Variants in DLC1 observed in about 807,000 individuals in gnomAD.
The protein encoded by DLC1 is rho GTPase-activating protein 7.
A neutral mutation model predicts 140.3 loss-of-function variants in DLC1; 54 were observed. The observed-to-expected ratio is 0.38, with a 90% CI of 0.31 to 0.48. The LOEUF is 0.48. Among genes scored for constraint, DLC1 ranks in the 20% least tolerant of loss-of-function variants. The pLI is 0.96. For synonymous variants in DLC1, 986 were observed against 728.1 expected, an observed-to-expected ratio of 1.35 and a Z score of -5.70; for missense variants, 2,536 against 1,907.0, an observed-to-expected ratio of 1.33 and a Z score of -6.14.
rs374247380 is a variant in DLC1, at chr8:13,393,619, G to A, written c.1248C>T (p.Asp416=). Residue 416 remains aspartate, a synonymous_variant, in exon 4 of 18, where the codon GAC becomes GAT. Transcript: ENST00000276297. The part of the protein sequence containing the change: ...VNQTRVNLSS[D]TESTDLPSST... The stretch of plus-strand genomic sequence containing the variant: ...AAGATGGGAGGTCCGTGGACTCAGT[G>A]TCAGAAGACAAATTTACTCGTGTCT... 1.2e-6 allele frequency: 2 copies of A among 1,614,126 alleles called. No individual in the cohort carries two copies. Among genetic ancestry groups the A allele is most frequent in the East Asian group, 2.2e-5 (1 of 44,870 alleles).
chr8:13,095,478 A>T (rs2128933110), intron 10 of DLC1: 2 of 549,368 alleles, frequency 3.6e-6, no homozygotes, highest in East Asian at 6.2e-5. Flanking sequence ...TGTGCAGATA[A>T]AGAACATTCC....
intron 1 of DLC1, among the ~76,000 whole-genome samples, chr8:13,546,597 T>C (rs1264890281): frequency 6.6e-6 from 1 of 152,170 alleles, no homozygotes; most frequent in East Asian, 1.9e-4. Context: ...CTGCTTCGCA[T>C]TGAAGTTTTA....
intron 5 of DLC1, among the ~76,000 whole-genome samples, chr8:13,204,290 G>A (rs181862835): frequency 1.6e-4 from 24 of 152,194 alleles, no homozygotes; most frequent in Non-Finnish European, 3.1e-4. Flanking sequence ...ACAGAGAGAC[G>A]GAGTGCAAAA....
chr8:13,193,378 T>G (rs6988111), intron 5 of DLC1, among the ~76,000 whole-genome samples: 81,464 of 151,906 alleles, frequency 0.54, 22,303 homozygotes, highest in East Asian at 0.85. Flanking sequence ...TAGGGCTATG[T>G]ATGATAAGAC....
rs148727515 is a variant in DLC1 at position 13,401,594 on chromosome 8, G to A, written c.1049C>T (p.Ala350Val). ...RKEIREDRDR[A>V]RLDSMVLLIM... ...CAGCAGCACCATGGAGTCCAGCCGCGCCCTATCTCGATCTTCTCTTATTTC... is the reference window on the plus strand; with the variant it reads ...CAGCAGCACCATGGAGTCCAGCCGCACCCTATCTCGATCTTCTCTTATTTC... The change falls in exon 3 of 18, where the codon GCG (alanine) becomes GTG (valine). Residue 350 changes from alanine (A) to valine (V), a missense_variant. Coordinates refer to ENST00000276297, the MANE Select transcript of DLC1 (RefSeq NM_182643.3). The A allele has an allele frequency of 8.8e-5, 142 of 1,613,452 alleles. No individual in the cohort carries two copies. The highest frequency in any genetic ancestry group is 3.8e-4 in the Admixed American group (23 of 59,976).
chr8:13,268,920 G>A lies in DLC1; in HGVS notation c.1348+36349C>T, dbSNP rs368995254. On this transcript the variant is annotated intron_variant, in intron 5 of 17. Transcript: ENST00000276297. Reference sequence around the variant, plus strand: ...GATGGAGTCTCACTCTGTGGCCCAGGCTAGAGTGCAGTGGCGTGATCTCGG... The same window carrying A: ...GATGGAGTCTCACTCTGTGGCCCAGACTAGAGTGCAGTGGCGTGATCTCGG... Among the ~76,000 whole-genome samples, 64 of 146,806 alleles carry A rather than the reference G, an allele frequency of 4.4e-4. 1 individual carries two copies. In the East Asian group the frequency reaches 0.011, roughly 25 times the overall value.
intron 5 of DLC1, among the ~76,000 whole-genome samples, chr8:13,189,832 AG>A (rs1263366741): frequency 6.6e-6 from 1 of 151,976 alleles, no homozygotes; most frequent in East Asian, 1.9e-4. Context: ...CGGTGAGCCA[AG>A]ATCGCGCCAT....
At chr8:13,578,569 T>G (rs987767072) in intron 1 of DLC1, among the ~76,000 whole-genome samples, 1 of 152,192 alleles carries the variant, frequency 6.6e-6, no homozygotes. Context: ...CAGGTTGTCA[T>G]CTACACTTCT....
intron 13 of DLC1, among the ~76,000 whole-genome samples, chr8:13,092,080 A>C (rs1818124684): frequency 6.6e-6 from 1 of 152,156 alleles, no homozygotes; most frequent in Non-Finnish European, 1.5e-5. Flanking sequence ...CCCCGTCTCT[A>C]CTAAAAATAT....
At chr8:13,310,378 C>T (rs1486289045) in intron 4 of DLC1, among the ~76,000 whole-genome samples, 2 of 152,144 alleles carry the variant, frequency 1.3e-5, no homozygotes, top group Non-Finnish European at 2.9e-5. Context: ...CCCTTTAAAA[C>T]ATTCACTTTT....
intron 2 of DLC1, among the ~76,000 whole-genome samples, chr8:13,461,564 A>C (rs1585148483): frequency 6.6e-6 from 1 of 152,170 alleles, no homozygotes; most frequent in East Asian, 1.9e-4. Flanking sequence ...AATAATGATG[A>C]TGATAGTTTT....
In DLC1 at chr8:13,305,279, C is replaced by A; in HGVS notation, c.1338G>T (p.Lys446Asn). ...AAAATGTCAACTTACCAGCCTTTTC[C>A]TTCTCTGAAATACCTTGAATAGCCT... is the stretch of plus-strand genomic sequence containing the variant. ...KTTAIQGISE[K>N]EKAEIEAKEA... Residue 446 changes from lysine (K) to asparagine (N), a missense_variant, in exon 5 of 18, where the codon AAG becomes AAT. By Grantham distance (94) the Lys-to-Asn change is moderately conservative (BLOSUM62 0). Transcript: ENST00000276297. 4 of 1,605,860 alleles carry A rather than the reference C, an allele frequency of 2.5e-6. No homozygotes were observed. The African/African-American group carries it at 4.0e-5, about 16-fold the overall frequency.
At chr8:13,578,799 T>A (rs1804939106) in intron 1 of DLC1, among the ~76,000 whole-genome samples, 1 of 152,098 alleles carries the variant, frequency 6.6e-6, no homozygotes, top group East Asian at 1.9e-4. Flanking sequence ...TACCCCCATG[T>A]GTTCAACAAC....
At chr8:13,457,603 G>T (rs1301799907) in intron 2 of DLC1, among the ~76,000 whole-genome samples, 1 of 149,892 alleles carries the variant, frequency 6.7e-6, no homozygotes, top group African/African-American at 2.5e-5. Flanking sequence ...TGTGAACCTG[G>T]GAGGCGGAGC....
chr8:13,101,114 C>A (rs190861842), intron 8 of DLC1, among the ~76,000 whole-genome samples: 11 of 152,040 alleles, frequency 7.2e-5, no homozygotes, highest in Non-Finnish European at 4.4e-5. Flanking sequence ...TCTTACTATG[C>A]TGCCTAGGCT....
chr8:13,368,062 C>G (rs1835570408), intron 4 of DLC1, among the ~76,000 whole-genome samples: 1 of 152,116 alleles, frequency 6.6e-6, no homozygotes, highest in South Asian at 2.1e-4. Context: ...ACATCTTTGA[C>G]CCTGGCTTCA....
chr8:13,588,581 G>A (rs943425050), intron 1 of DLC1, among the ~76,000 whole-genome samples: 1 of 151,970 alleles, frequency 6.6e-6, no homozygotes, highest in African/African-American at 2.4e-5. Context: ...GGATAATACA[G>A]CAATAAAATT....
chr8:13,164,332 G>A (rs1975439), intron 5 of DLC1, among the ~76,000 whole-genome samples: 71,907 of 143,172 alleles, frequency 0.5, 18,242 homozygotes, highest in East Asian at 0.83. Flanking sequence ...CTATCTATCT[G>A]TCTGTCTGTC....
intron 13 of DLC1, 21 bp downstream of exon 13, chr8:13,092,591 C>A (rs1408038937): frequency 3.1e-6 from 5 of 1,610,610 alleles, no homozygotes; most frequent in African/African-American, 2.7e-5. Context: ...TGTGTGCATG[C>A]ACCTCCCATG....
Sources: gnomAD v4.1 joint callset for allele counts (sites outside exome capture counted in the v4.1 genomes callset) on GRCh38, gnomAD v4.1.1 for gene constraint, MANE v1.5 for transcripts, NCBI Gene and HGNC (gene_info 2026-07-23, HGNC 2026-07-21) for gene names.